SLC12A1: variants seen among roughly 807,000 people sequenced by gnomAD.
SLC12A1 encodes solute carrier family 12 member 1, also known as Na-K-2Cl cotransporter.
In SLC12A1, 89 loss-of-function variants were observed where a neutral mutation model predicts 130.4. The observed-to-expected ratio is 0.68, with a 90% CI of 0.58 to 0.81. SLC12A1 has a LOEUF of 0.81. SLC12A1 is among the 40% of genes least tolerant of loss of function. The pLI, the probability that SLC12A1 is intolerant of heterozygous loss-of-function variation, is 0.00. For synonymous variants in SLC12A1, 499 were observed against 460.0 expected (o/e 1.08, Z -1.09); for missense variants, 1,310 against 1,336.4 (o/e 0.98, Z 0.31).
At chr15:48,291,651 G>A in intron 23 of SLC12A1, 127 bp from the exon 24 acceptor site, 1 of 665,278 alleles carries the variant, frequency 1.5e-6, no homozygotes, top group Non-Finnish European at 2.7e-6. Flanking sequence ...CAACCAAAAA[G>A]CCTCTGTCTG....
chr15:48,280,395 A>G (rs2041998566), intron 20 of SLC12A1, among the ~76,000 whole-genome samples: 1 of 152,170 alleles, frequency 6.6e-6, no homozygotes, highest in Admixed American at 6.5e-5. Context: ...GGATGACAAA[A>G]TTGATTAGAA....
At position 48,208,034 on chromosome 15, in the gene SLC12A1, C is replaced by T. The variant is rs2041002776; in HGVS notation, c.315C>T (p.Thr105=). 2 of 1,613,948 alleles carry T rather than the reference C, an allele frequency of 1.2e-6. No individual in the cohort carries two copies. The highest frequency in any genetic ancestry group is 2.7e-5 in the African/African-American group (2 of 75,028). The change falls in exon 2 of 27, where the codon ACC becomes ACT. Residue 105 remains threonine (T), a synonymous_variant. Coordinates refer to ENST00000380993, the MANE Select transcript of SLC12A1 (RefSeq NM_000338.3). ...ATCTACAAACTTTTGGCCACAACAC[C>T]ATGGATGCCGTTCCCAAGATAGAGT... The part of the protein sequence containing the change: ...TYYLQTFGHN[T]MDAVPKIEYY...
intron 24 of SLC12A1, among the ~76,000 whole-genome samples, chr15:48,293,915 G>A (rs2042146264): frequency 6.6e-6 from 1 of 151,978 alleles, no homozygotes; most frequent in Non-Finnish European, 1.5e-5. Flanking sequence ...GTGTATGCCT[G>A]TAGTCCTAGA....
chr15:48,288,369 T>A (rs766722143), intron 22 of SLC12A1, 36 bp from the exon 23 acceptor site: 4 of 1,173,766 alleles, frequency 3.4e-6, no homozygotes, highest in Admixed American at 2.1e-5. Flanking sequence ...TCCATTTAGA[T>A]ATACTCATTG....
At chr15:48,264,555 T>C (rs1167983845) in intron 17 of SLC12A1, among the ~76,000 whole-genome samples, 4 of 152,300 alleles carry the variant, frequency 2.6e-5, no homozygotes, top group Non-Finnish European at 2.9e-5. Flanking sequence ...GCCTCTGTTA[T>C]GATGTTAATA....
chr15:48,229,236 G>A lies in SLC12A1; in HGVS notation c.772G>A (p.Gly258Arg), dbSNP rs1191487477. 1.9e-6 allele frequency: 3 copies of A among 1,595,004 alleles called. No individual in the cohort carries two copies. The African/African-American group carries it at 4.0e-5, about 21-fold the overall frequency. The change falls in exon 6 of 27, where the codon GGG becomes AGG. Residue 258 changes from glycine to arginine, a missense_variant. Gly to Arg is a moderately radical substitution (Grantham distance 125). Transcript: ENST00000380993. ...CAGAAGTTTAGGGCCCGAGTTCGGT[G>A]GGTCAATAGGCCTGATCTTTGCTTT... is the stretch of plus-strand genomic sequence containing the variant. ...ISRSLGPEFG[G>R]SIGLIFAFAN...
intron 20 of SLC12A1, among the ~76,000 whole-genome samples, chr15:48,283,333 C>T (rs545749754): frequency 3.4e-4 from 52 of 152,326 alleles, no homozygotes; most frequent in African/African-American, 9.9e-4. Context: ...TGCCTAATGT[C>T]ACATAAAGCC....
At chr15:48,219,492 G>T (rs2041172185) in intron 2 of SLC12A1, among the ~76,000 whole-genome samples, 1 of 151,976 alleles carries the variant, frequency 6.6e-6, no homozygotes, top group Non-Finnish European at 1.5e-5. Context: ...GGAGGTGGAG[G>T]TTGCAGTGAG....
intron 17 of SLC12A1, among the ~76,000 whole-genome samples, chr15:48,264,867 C>T (rs181091596): frequency 1.3e-5 from 2 of 152,256 alleles, no homozygotes; most frequent in Admixed American, 1.3e-4. Context: ...ATCAACTTCT[C>T]CACACTACAT....
chr15:48,234,887 T>C lies in SLC12A1; in HGVS notation c.1098T>C (p.Phe366=). 1 of 1,613,938 alleles carries C rather than the reference T, an allele frequency of 6.2e-7. No homozygotes were observed. The highest frequency in any genetic ancestry group is 1.7e-5 in the Admixed American group (1 of 60,026). ...RGFFNYQASI[F]AENFGPRFTK... ...TAATTTATGTTGCAGCATCAATATT[T>C]GCAGAAAACTTTGGGCCACGCTTCA... Residue 366 remains phenylalanine (F), a synonymous_variant, in exon 9 of 27, where the codon TTT becomes TTC. Coordinates refer to ENST00000380993, the MANE Select transcript of SLC12A1 (RefSeq NM_000338.3).
chr15:48,287,428 A>G lies in SLC12A1; in HGVS notation c.2630-615A>G, dbSNP rs181992132. On this transcript the variant is annotated intron_variant, in intron 21 of 26. Coordinates refer to ENST00000380993, the MANE Select transcript of SLC12A1 (RefSeq NM_000338.3). Reference sequence around the variant, plus strand: ...TCAAATGGCTTTACTTTAGCTTCGCAAGATTCCTTGAAAAGAAAGCAGAAG... The same window carrying G: ...TCAAATGGCTTTACTTTAGCTTCGCGAGATTCCTTGAAAAGAAAGCAGAAG... Among the ~76,000 whole-genome samples the G allele has an allele frequency of 1.1e-3, 168 of 152,182 alleles. 1 individual carries two copies. The highest frequency in any genetic ancestry group is 3.6e-3 in the African/African-American group (151 of 41,510).
Position 48,302,805 on chromosome 15 carries a change from T to C in SLC12A1, c.3220T>C (p.Leu1074=), listed in dbSNP as rs755254081. The C allele has an allele frequency of 1.2e-6, 2 of 1,613,438 alleles. No homozygotes were observed. The highest frequency in any genetic ancestry group is 2.7e-5 in the African/African-American group (2 of 74,886). Residue 1074 remains leucine, a synonymous_variant, in exon 27 of 27, where the codon TTG becomes CTG. Transcript: ENST00000380993. The part of the protein sequence containing the change: ...SISDLLYMAW[L]EILTKNLPPV... ...ATCGGATTTGTTGTATATGGCTTGG[T>C]TGGAAATCCTCACAAAGAACCTCCC...
intron 10 of SLC12A1, among the ~76,000 whole-genome samples, chr15:48,243,288 C>T (rs1483070797): frequency 1.3e-5 from 2 of 152,032 alleles, no homozygotes; most frequent in Non-Finnish European, 2.9e-5. Context: ...CAAGCAGAGG[C>T]TGGCAGGCTA....
At chr15:48,271,819 T>C (rs750929414) in intron 19 of SLC12A1, among the ~76,000 whole-genome samples, 1 of 152,190 alleles carries the variant, frequency 6.6e-6, no homozygotes, top group Non-Finnish European at 1.5e-5. Flanking sequence ...TTGATATATT[T>C]AGAATCATAG....
At position 48,247,420 on chromosome 15, in the gene SLC12A1, T is replaced by A. The variant is rs766364222; in HGVS notation, c.1644T>A (p.Tyr548Ter). 5.3e-5 allele frequency: 85 copies of A among 1,611,020 alleles called. No homozygotes were observed. The highest frequency in any genetic ancestry group is 7.2e-5 in the Non-Finnish European group (85 of 1,177,500). ...AAAACAATGAACCCCTGAGAGGATA[T>A]ATTCTCACTTTTCTTATAGCCATGG... ...YGKNNEPLRG[Y>*]ILTFLIAMAF... The change falls in exon 13 of 27, where the codon TAT becomes TAA. Residue 548 changes from tyrosine (Y) to a stop codon, truncating the protein, a stop_gained. Transcript: ENST00000380993. LOFTEE classifies it high-confidence loss of function.
intron 20 of SLC12A1, among the ~76,000 whole-genome samples, chr15:48,280,689 C>G (rs2042001089): frequency 6.6e-6 from 1 of 151,960 alleles, no homozygotes; most frequent in Admixed American, 6.6e-5. Context: ...GAAAAGTCCC[C>G]TCTCCTTCCC....
At chr15:48,242,418 C>T (rs547562757) in intron 10 of SLC12A1, among the ~76,000 whole-genome samples, 1 of 152,300 alleles carries the variant, frequency 6.6e-6, no homozygotes, top group South Asian at 2.1e-4. Context: ...CATGTACCTA[C>T]AGTTGGTTTC....
intron 9 of SLC12A1, chr15:48,237,225 T>G: frequency 1.8e-6 from 1 of 559,650 alleles, no homozygotes; most frequent in Non-Finnish European, 3.2e-6. Context: ...GAGACGGACA[T>G]TTGAAACAGA....
Position 48,220,684 on chromosome 15 carries a change from G to A in SLC12A1, c.471G>A (p.Gly157=), listed in dbSNP as rs1448209660. ...SSADRVANGD[G]IPGDEQAENK... is the part of the protein sequence containing the mutation. ...CTGACAGAGTTGCTAACGGTGATGG[G>A]ATACCTGGAGATGAACAAGCTGAAA... The change falls in exon 3 of 27, where the codon GGG becomes GGA. Residue 157 remains glycine (G), a synonymous_variant. Coordinates refer to ENST00000380993, the MANE Select transcript of SLC12A1 (RefSeq NM_000338.3). 6 of 1,613,748 alleles carry A rather than the reference G, an allele frequency of 3.7e-6. No homozygotes were observed. The highest frequency in any genetic ancestry group is 5.1e-6 in the Non-Finnish European group (6 of 1,179,768).
Sources: gnomAD v4.1 joint callset for allele counts (sites outside exome capture counted in the v4.1 genomes callset) on GRCh38, gnomAD v4.1.1 for gene constraint, MANE v1.5 for transcripts, NCBI Gene and HGNC (gene_info 2026-07-23, HGNC 2026-07-21) for gene names.